DUXB: variants seen among roughly 807,000 people sequenced by gnomAD.
DUXB encodes the protein double homeobox B.
A neutral mutation model predicts 8.9 loss-of-function variants in DUXB; 22 were observed. The ratio of observed to expected loss-of-function variants is 2.46; its 90% CI spans 1.76 to 3.52. DUXB has a LOEUF of 3.52. DUXB is among the 30% of genes most tolerant of loss of function. The probability of loss-of-function intolerance (pLI) is 0.00; values close to 1 mark genes in which losing one functional copy is unlikely to be tolerated. For synonymous variants in DUXB, 84 were observed against 37.6 expected (o/e 2.23, Z -4.52); for missense variants, 237 against 108.7 (o/e 2.18, Z -5.25).
chr16:75,696,699 T>C, intron 3 of DUXB, 139 bp downstream of exon 3: 1 of 582,274 alleles, frequency 1.7e-6, no homozygotes, highest in Non-Finnish European at 3.0e-6. Flanking sequence ...TACTTTCACC[T>C]AAAAAAAATG....
chr16:75,695,321 G>C (rs890348385), intron 4 of DUXB, among the ~76,000 whole-genome samples: 10 of 152,214 alleles, frequency 6.6e-5, no homozygotes, highest in Admixed American at 6.5e-4. Flanking sequence ...CTTCACGGAT[G>C]TGTGCATAAG....
chr16:75,694,730 TAAAA>T (rs759619109), intron 4 of DUXB, among the ~76,000 whole-genome samples: 1 of 151,854 alleles, frequency 6.6e-6, no homozygotes, highest in East Asian at 1.9e-4. Flanking sequence ...GAAAACCCAA[TAAAA>T]AAACAATGCA....
intron 2 of DUXB, among the ~76,000 whole-genome samples, chr16:75,697,265 G>A (rs1261479020): frequency 2.0e-5 from 3 of 152,122 alleles, no homozygotes; most frequent in African/African-American, 7.2e-5. Flanking sequence ...CCTCCTAGCA[G>A]GACTTCGGTT....
Position 75,701,410 on chromosome 16 carries a change from C to T in DUXB, c.9G>A (p.Leu3=). 2.5e-6 allele frequency: 1 copy of T among 398,614 alleles called. No homozygotes were observed. Among genetic ancestry groups the T allele is most frequent in the Non-Finnish European group, 4.4e-6 (1 of 226,074 alleles). 24.7% of individuals were successfully genotyped at this position (398,614 alleles called of 1,614,324 possible). MN[L]EGTSGGILQK... is the part of the protein sequence containing the mutation. ...GGAACTTACCACCTGAAGTGCCCTC[C>T]AAATTCATCTTGGGCAGAAGACCTG... The change falls in exon 1 of 5, where the codon TTG becomes TTA. Residue 3 remains leucine (L), a synonymous_variant. Coordinates refer to ENST00000633875, the MANE Select transcript of DUXB (RefSeq NM_001351307.2).
chr16:75,694,531 T>C lies in DUXB; in HGVS notation c.442-6A>G. The C allele has an allele frequency of 1.4e-6, 1 of 702,860 alleles. No homozygotes were observed. The highest frequency in any genetic ancestry group is 1.5e-5 in the South Asian group (1 of 67,574). 43.5% of individuals were successfully genotyped at this position (702,860 alleles called of 1,614,324 possible). A position where few individuals can be genotyped will look rare whatever the true frequency, so the allele number is the denominator to read the frequency against. On this transcript the variant is annotated splice_region_variant and splice_polypyrimidine_tract_variant and intron_variant, in intron 4 of 4. Coordinates refer to ENST00000633875, the MANE Select transcript of DUXB (RefSeq NM_001351307.2). ...CTTTGTTTCTGAAACCACATCTAAA[T>C]GAGAAAAAGGGCAACATGACATCAT...
chr16:75,697,591 C>T (rs954500437), intron 2 of DUXB, among the ~76,000 whole-genome samples: 1 of 152,160 alleles, frequency 6.6e-6, no homozygotes, highest in Non-Finnish European at 1.5e-5. Flanking sequence ...CTAATGATTT[C>T]TAAGTGTTAT....
intron 4 of DUXB, among the ~76,000 whole-genome samples, chr16:75,695,744 G>A (rs147288297): frequency 2.0e-5 from 3 of 152,112 alleles, no homozygotes; most frequent in African/African-American, 4.8e-5. Context: ...TCTCAAAATG[G>A]GTAGTTTCTG....
At chr16:75,700,496 T>G (rs1367685704) in intron 1 of DUXB, among the ~76,000 whole-genome samples, 1 of 151,786 alleles carries the variant, frequency 6.6e-6, no homozygotes, top group African/African-American at 2.4e-5. Context: ...CCTCCCCATT[T>G]TGTTAATTAT....
At chr16:75,695,350 A>G (rs1361713519) in intron 4 of DUXB, among the ~76,000 whole-genome samples, 1 of 152,234 alleles carries the variant, frequency 6.6e-6, no homozygotes, top group Non-Finnish European at 1.5e-5. Flanking sequence ...GTTTGTGTAC[A>G]TGTGTATTCA....
At chr16:75,699,889 C>G (rs1959201150) in intron 2 of DUXB, 126 bp downstream of exon 2, 1 of 514,314 alleles carries the variant, frequency 1.9e-6, no homozygotes, top group Non-Finnish European at 3.4e-6. Flanking sequence ...TTTTGTAGAA[C>G]AGGAAAACGT....
In DUXB at chr16:75,696,033, C is replaced by T. The variant is rs1433358951; in HGVS notation, c.369G>A (p.Arg123=). Residue 123 remains arginine, a synonymous_variant, in exon 4 of 5, where the codon AGG becomes AGA. Transcript: ENST00000633875. ...TGGTAGCAATATCAGGGAATGGGTT[C>T]CTCTCAAAGGCTTGCACTAGCCTGT... is the stretch of plus-strand genomic sequence containing the variant. The part of the protein sequence containing the change: ...QKNRLVQAFE[R]NPFPDIATRK... The T allele has an allele frequency of 1.4e-6, 1 of 702,974 alleles. No homozygotes were observed. Among genetic ancestry groups the T allele is most frequent in the South Asian group, 1.5e-5 (1 of 67,596 alleles). The allele number at this position is 702,974 out of a possible 1,614,324, so 43.5% of individuals were successfully genotyped here. A position where few individuals can be genotyped will look rare whatever the true frequency, so the allele number is the denominator to read the frequency against.
rs2082588364 is a variant in DUXB, at chr16:75,694,430, T to A, written c.537A>T (p.Ala179=). The change falls in exon 5 of 5, where the codon GCA becomes GCT. Residue 179 remains alanine (A), a synonymous_variant. Transcript: ENST00000633875. ...LVDDPNERPD[A]TVGWHPINLF... ...GGTTGATTGGATGCCACCCAACAGT[T>A]GCATCTGGTCTCTCATTTGGGTCGT... 1 of 701,962 alleles carries A rather than the reference T, an allele frequency of 1.4e-6. No homozygotes were observed. Among genetic ancestry groups the A allele is most frequent in the Non-Finnish European group, 2.6e-6 (1 of 384,746 alleles). The allele number at this position is 701,962 out of a possible 1,614,324, so 43.5% of individuals were successfully genotyped here.
At position 75,694,145 on chromosome 16, in the gene DUXB, G is replaced by C; in HGVS notation, c.822C>G (p.Pro274=). The C allele has an allele frequency of 2.3e-6, 1 of 436,662 alleles. No individual in the cohort carries two copies. Among genetic ancestry groups the C allele is most frequent in the Non-Finnish European group, 4.0e-6 (1 of 250,608 alleles). The allele number at this position is 436,662 out of a possible 1,614,324, so 27.0% of individuals were successfully genotyped here. The change falls in exon 5 of 5, where the codon CCC becomes CCG. Residue 274 remains proline, a synonymous_variant. Transcript: ENST00000633875. ...ILTKDLDTPT[P]FWLQYQEEHQ... ...GTTCTTCTTGGTATTGGAGCCAGAA[G>C]GGAGTCGGAGTATCTAAGTCCTTTG...
chr16:75,695,908 A>C (rs2151832445), intron 4 of DUXB, 53 bp downstream of exon 4: 1 of 697,858 alleles, frequency 1.4e-6, no homozygotes, highest in East Asian at 2.7e-5. Context: ...TAACACCTCC[A>C]GGGGGCAGTA....
rs1184905256 is a variant in DUXB, at chr16:75,700,180, GA to G, written c.26-12del. 1 of 698,060 alleles carries G rather than the reference GA, an allele frequency of 1.4e-6. No individual in the cohort carries two copies. The highest frequency in any genetic ancestry group is 2.6e-6 in the Non-Finnish European group (1 of 383,466). The allele number at this position is 698,060 out of a possible 1,614,324, so 43.2% of individuals were successfully genotyped here. ...CTTTTTGAAGTATGCCTGATGAACA[GA>G]AAAGGGGGAGAATAGTGTGAATAAT... is the stretch of plus-strand genomic sequence containing the variant. On this transcript the variant is annotated splice_polypyrimidine_tract_variant and intron_variant, in intron 1 of 4. Coordinates refer to ENST00000633875, the MANE Select transcript of DUXB (RefSeq NM_001351307.2).
At chr16:75,698,194 A>AT (rs1263639703) in intron 2 of DUXB, among the ~76,000 whole-genome samples, 4 of 152,194 alleles carry the variant, frequency 2.6e-5, no homozygotes, top group African/African-American at 7.2e-5. Flanking sequence ...TGAACTTGTC[A>AT]TTTTCACCAT....
Position 75,696,050 on chromosome 16 carries a change from C to G in DUXB, c.352G>C (p.Val118Leu), listed in dbSNP as rs1414847776. ...FITWTQKNRL[V>L]QAFERNPFPD... is the part of the protein sequence containing the mutation. ...AATGGGTTCCTCTCAAAGGCTTGCA[C>G]TAGCCTGTTTTTTTGAGTCCATGTG... The change falls in exon 4 of 5, where the codon GTG becomes CTG. Residue 118 changes from valine (V) to leucine (L), a missense_variant. Coordinates refer to ENST00000633875, the MANE Select transcript of DUXB (RefSeq NM_001351307.2). 3 of 703,030 alleles carry G rather than the reference C, an allele frequency of 4.3e-6. No homozygotes were observed. Among genetic ancestry groups the G allele is most frequent in the Admixed American group, 2.0e-5 (1 of 50,006 alleles). The allele number at this position is 703,030 out of a possible 1,614,324, so 43.5% of individuals were successfully genotyped here.
intron 4 of DUXB, 68 bp downstream of exon 4, chr16:75,695,893 T>A: frequency 1.5e-6 from 1 of 681,178 alleles, no homozygotes. Flanking sequence ...CTGTAAGTTT[T>A]TCAATAACAC....
Position 75,696,886 on chromosome 16 carries a change from C to G in DUXB, c.238G>C (p.Glu80Gln). The G allele has an allele frequency of 1.4e-6, 1 of 702,934 alleles. No homozygotes were observed. Among genetic ancestry groups the G allele is most frequent in the South Asian group, 1.5e-5 (1 of 67,584 alleles). 43.5% of individuals were successfully genotyped at this position (702,934 alleles called of 1,614,324 possible). ...TCATGCCCCTGGGTTTGATCTTTTTCTGAGAAGCACTTATAATCCAGTTTT... is the reference window on the plus strand; with the variant it reads ...TCATGCCCCTGGGTTTGATCTTTTTGTGAGAAGCACTTATAATCCAGTTTT... Reference protein sequence around the residue: ...QRKLDYKCFSEKDQTQGHDQS... With the variant: ...QRKLDYKCFSQKDQTQGHDQS... The change falls in exon 3 of 5, where the codon GAA (glutamate) becomes CAA (glutamine). Residue 80 changes from glutamate (E) to glutamine (Q), a missense_variant. Transcript: ENST00000633875.
Sources: allele counts gnomAD v4.1 joint callset (sites outside exome capture counted in the v4.1 genomes callset), GRCh38; gene constraint gnomAD v4.1.1; transcripts MANE v1.5; gene names NCBI Gene and HGNC (gene_info 2026-07-23, HGNC 2026-07-21).